Variants in STRIP2 observed in about 807,000 individuals in gnomAD.
The protein encoded by STRIP2 is striatin-interacting protein 2.
In STRIP2, 84 loss-of-function variants were observed where a neutral mutation model predicts 107.1. The observed-to-expected ratio is 0.78, with a 90% CI of 0.66 to 0.94. The LOEUF (loss-of-function observed/expected upper bound fraction) is 0.94. Among genes scored for constraint, STRIP2 ranks in the 40% least tolerant of loss-of-function variants. The pLI is 0.00. For synonymous variants in STRIP2, 394 were observed against 400.4 expected, an observed-to-expected ratio of 0.98 and a Z score of 0.19; for missense variants, 888 against 1,034.2, an observed-to-expected ratio of 0.86 and a Z score of 1.94.
intron 16 of STRIP2, among the ~76,000 whole-genome samples, chr7:129,465,398 G>A (rs879333641): frequency 5.3e-5 from 8 of 152,144 alleles, no homozygotes; most frequent in Non-Finnish European, 1.0e-4. Flanking sequence ...TCCAGAGGGG[G>A]AAGAGAGAGA....
intron 19 of STRIP2, among the ~76,000 whole-genome samples, chr7:129,482,363 AT>A (rs1562920522): frequency 9.9e-6 from 1 of 101,502 alleles, no homozygotes; most frequent in African/African-American, 3.2e-5. Flanking sequence ...CTCTATATAT[AT>A]ATATATATAT....
At chr7:129,468,130 G>A (rs1481087252) in intron 17 of STRIP2, among the ~76,000 whole-genome samples, 1 of 152,024 alleles carries the variant, frequency 6.6e-6, no homozygotes, top group African/African-American at 2.4e-5. Context: ...AGGGACTTGG[G>A]GATTACAGAG....
At position 129,453,406 on chromosome 7, in the gene STRIP2, A is replaced by G. The variant is rs1026295119; in HGVS notation, c.530+59A>G. On this transcript the variant is annotated intron_variant, in intron 5 of 20. Coordinates refer to ENST00000249344, the MANE Select transcript of STRIP2 (RefSeq NM_020704.3). Reference sequence around the variant, plus strand: ...AACCCCCATTCCTTAAAGGGGCCTCATGTTCTATGCTGCTTCCCTCACTAT... The same window carrying G: ...AACCCCCATTCCTTAAAGGGGCCTCGTGTTCTATGCTGCTTCCCTCACTAT... 28 of 1,603,426 alleles carry G rather than the reference A, an allele frequency of 1.7e-5. No individual in the cohort carries two copies. The African/African-American group carries it at 2.9e-4, about 17-fold the overall frequency.
rs1799231075 is a variant in STRIP2 at position 129,485,748 on chromosome 7, C to T, written c.2424C>T (p.Phe808=). ...AGAGGTTGGATCTGCCTGAAGATTT[C>T]CACTATTCATATGAGCTCTGGCTCG... is the stretch of plus-strand genomic sequence containing the variant. ...LGQRLDLPED[F]HYSYELWLER... Residue 808 remains phenylalanine (F), a synonymous_variant, in exon 21 of 21, where the codon TTC becomes TTT. Coordinates refer to ENST00000249344, the MANE Select transcript of STRIP2 (RefSeq NM_020704.3). The T allele has an allele frequency of 6.2e-7, 1 of 1,614,186 alleles. No individual in the cohort carries two copies. Among genetic ancestry groups the T allele is most frequent in the Non-Finnish European group, 8.5e-7 (1 of 1,180,034 alleles).
chr7:129,439,859 AG>A (rs1159557156), intron 1 of STRIP2, among the ~76,000 whole-genome samples, 162 bp from the exon 2 acceptor site: 3 of 152,206 alleles, frequency 2.0e-5, no homozygotes, highest in Non-Finnish European at 4.4e-5. Flanking sequence ...GGCTTGGCGT[AG>A]GGTACCTCTG....
At position 129,458,970 on chromosome 7, in the gene STRIP2, C is replaced by G. The variant is rs17169087; in HGVS notation, c.1340+193C>G. ...TTTCCTTGAGTTTCTTCCACTTTTCCTCAAAGAACTTTTGTGTTTTTAGCC... is the reference window on the plus strand; with the variant it reads ...TTTCCTTGAGTTTCTTCCACTTTTCGTCAAAGAACTTTTGTGTTTTTAGCC... On this transcript the variant is annotated intron_variant, in intron 11 of 20. Transcript: ENST00000249344. This position sits in a 1 kb window ranked among gnomAD's most constrained non-coding sequence, Gnocchi z 4.6. Among the ~76,000 whole-genome samples, 3,196 of 152,256 alleles carry G rather than the reference C, an allele frequency of 0.021. 113 individuals carry two copies. The highest frequency in any genetic ancestry group is 0.071 in the African/African-American group (2,938 of 41,534).
At position 129,476,550 on chromosome 7, in the gene STRIP2, G is replaced by A. The variant is rs11982324; in HGVS notation, c.1945-4235G>A. Among the ~76,000 whole-genome samples, 543 of 150,520 alleles carry A rather than the reference G, an allele frequency of 3.6e-3. 3 individuals are homozygous for A. The highest frequency in any genetic ancestry group is 0.014 in the South Asian group (66 of 4,750). On this transcript the variant is annotated intron_variant, in intron 18 of 20. Transcript: ENST00000249344. The stretch of plus-strand genomic sequence containing the variant: ...TCAGCTCCCAGACAGGGTCGCGGCC[G>A]GGCAGAGGCACTCCTCACATCCCAG...
intron 19 of STRIP2, among the ~76,000 whole-genome samples, chr7:129,481,925 C>T (rs1331073039): frequency 1.3e-5 from 2 of 151,792 alleles, no homozygotes; most frequent in Admixed American, 6.6e-5. Flanking sequence ...TCCAGCACTT[C>T]GGAAGGCCAA....
rs1491462474 is a variant in STRIP2 at position 129,472,775 on chromosome 7, C to CTTTTTTTTTTTTTTTTTTTTTTTTT, written c.1944+2060_1944+2061insTTTTTTTTTTTTTTTTTTTTTTTTT. ...AATATATAGAATTTTCTTTTCTTTT[C>CTTTTTTTTTTTTTTTTTTTTTTTTT]CTTTTTTTTTTTTTTTTTTTTTTTT... On this transcript the variant is annotated intron_variant, in intron 18 of 20. Coordinates refer to ENST00000249344, the MANE Select transcript of STRIP2 (RefSeq NM_020704.3). Among the ~76,000 whole-genome samples, 7 of 68,904 alleles carry CTTTTTTTTTTTTTTTTTTTTTTTTT rather than the reference C, an allele frequency of 1.0e-4. 3 individuals are homozygous for CTTTTTTTTTTTTTTTTTTTTTTTTT. Among genetic ancestry groups the CTTTTTTTTTTTTTTTTTTTTTTTTT allele is most frequent in the Non-Finnish European group, 1.0e-4 (4 of 39,310 alleles). The allele number at this position is 68,904 out of a possible 152,430, so 45.2% of individuals were successfully genotyped here.
intron 1 of STRIP2, among the ~76,000 whole-genome samples, chr7:129,437,186 C>T (rs1473459114): frequency 1.3e-5 from 2 of 150,128 alleles, no homozygotes; most frequent in Non-Finnish European, 3.0e-5. Context: ...GCCTATTATC[C>T]CAGCACTTTG....
rs766934725 is a variant in STRIP2, at chr7:129,458,767, A to G, written c.1330A>G (p.Thr444Ala). The G allele has an allele frequency of 4.3e-6, 7 of 1,613,982 alleles. No homozygotes were observed. The African/African-American group carries it at 9.3e-5, about 22-fold the overall frequency. Reference protein sequence around the residue: ...EMSRNKFIGFTLGQDTDTLVG... With the variant: ...EMSRNKFIGFALGQDTDTLVG... ...GAGCAGGAACAAGTTCATCGGATTC[A>G]CCCTGGGGCAGTAAGTGACTGAATG... Residue 444 changes from threonine to alanine, a missense_variant, in exon 11 of 21, where the codon ACC (threonine) becomes GCC (alanine). By Grantham distance (58) the Thr-to-Ala change is moderately conservative. Coordinates refer to ENST00000249344, the MANE Select transcript of STRIP2 (RefSeq NM_020704.3). This position sits in a 1 kb window ranked among gnomAD's most constrained non-coding sequence, Gnocchi z 4.6.
At chr7:129,480,981 T>A in intron 19 of STRIP2, 92 bp downstream of exon 19, 1 of 910,374 alleles carries the variant, frequency 1.1e-6, no homozygotes, top group South Asian at 1.6e-5. Context: ...TGGTTTGTGA[T>A]CTCCGTATAT....
At chr7:129,466,119 A>ATG (rs971636082) in intron 16 of STRIP2, among the ~76,000 whole-genome samples, 11 of 151,936 alleles carry the variant, frequency 7.2e-5, no homozygotes, top group African/African-American at 2.4e-5. Context: ...AGAACTGTAG[A>ATG]TGTGTGTTTA....
chr7:129,474,564 C>A (rs1208117223), intron 18 of STRIP2, among the ~76,000 whole-genome samples: 1 of 152,034 alleles, frequency 6.6e-6, no homozygotes, highest in African/African-American at 2.4e-5. Flanking sequence ...GACTGGAGTG[C>A]AGTGGCGCAA....
chr7:129,475,956 C>T (rs898407773), intron 18 of STRIP2, among the ~76,000 whole-genome samples: 3 of 152,148 alleles, frequency 2.0e-5, no homozygotes, highest in African/African-American at 7.2e-5. Context: ...TCTCCCATGC[C>T]CGCCTCTTTC....
chr7:129,456,462 T>C lies in STRIP2; in HGVS notation c.858T>C (p.His286=). 1 of 1,614,034 alleles carries C rather than the reference T, an allele frequency of 6.2e-7. No homozygotes were observed. Among genetic ancestry groups the C allele is most frequent in the Non-Finnish European group, 8.5e-7 (1 of 1,179,982 alleles). Residue 286 remains histidine (H), a synonymous_variant, in exon 9 of 21, where the codon CAT becomes CAC. Coordinates refer to ENST00000249344, the MANE Select transcript of STRIP2 (RefSeq NM_020704.3). ...VVMFTLGGFE[H]LQTLKVQKRA... ...AGTTTACCCTCGGTGGATTTGAGCA[T>C]CTGCAGACTCTCAAAGTACAGAAGC...
chr7:129,434,684 C>T (rs1476806018), intron 1 of STRIP2, 83 bp downstream of exon 1: 6 of 1,365,556 alleles, frequency 4.4e-6, no homozygotes, highest in African/African-American at 1.5e-5. Context: ...GGCCTCGGCC[C>T]CGGAGCCCTC....
intron 18 of STRIP2, among the ~76,000 whole-genome samples, chr7:129,471,873 GC>G (rs1242894254): frequency 1.3e-5 from 2 of 152,238 alleles, no homozygotes; most frequent in Admixed American, 6.5e-5. Context: ...TTTAGATGTG[GC>G]CTCAGCAGCC....
intron 20 of STRIP2, chr7:129,484,801 ATGGCACATC>A (rs1183146365): frequency 2.0e-5 from 3 of 152,210 alleles, no homozygotes; most frequent in Non-Finnish European, 4.4e-5. Flanking sequence ...TATCCTGCAA[ATGGCACATC>A]TGTTGTTGCT....
Sources: gnomAD v4.1 joint callset for allele counts (sites outside exome capture counted in the v4.1 genomes callset) on GRCh38, gnomAD v4.1.1 for gene constraint, Gnocchi (gnomAD v3.1) non-coding constraint, MANE v1.5 for transcripts, NCBI Gene and HGNC (gene_info 2026-07-23, HGNC 2026-07-21) for gene names.